RTN4RL2: variants seen among roughly 807,000 people sequenced by gnomAD.
RTN4RL2 encodes reticulon 4 receptor like 2, also known as reticulon-4 receptor-like 2.
RTN4RL2 carries 9 observed loss-of-function variants against 27.8 expected under a neutral mutation model. The observed-to-expected ratio is 0.32, with a 90% CI of 0.20 to 0.57. The LOEUF (loss-of-function observed/expected upper bound fraction) is 0.57. Among genes scored for constraint, RTN4RL2 ranks in the 20% least tolerant of loss-of-function variants. RTN4RL2 has a pLI of 0.90. For missense variants in RTN4RL2, 436 were observed against 596.8 expected, an observed-to-expected ratio of 0.73 and a Z score of 2.81; for synonymous variants, 285 against 297.9, an observed-to-expected ratio of 0.96 and a Z score of 0.45.
chr11:57,464,591 C>G (rs1178080843), intron 1 of RTN4RL2, among the ~76,000 whole-genome samples: 2 of 152,120 alleles, frequency 1.3e-5, no homozygotes, highest in Non-Finnish European at 2.9e-5. Context: ...CTTTTCTGGC[C>G]CTTTCCCTGC....
At chr11:57,464,486 G>A (rs1480103818) in intron 1 of RTN4RL2, among the ~76,000 whole-genome samples, 1 of 152,204 alleles carries the variant, frequency 6.6e-6, no homozygotes, top group Non-Finnish European at 1.5e-5. Flanking sequence ...GATCAGAGAA[G>A]GATTTGGCTT....
chr11:57,476,580 CG>C lies in RTN4RL2; in HGVS notation c.933del (p.Ala313ArgfsTer211). ...ALREADFQAC[P>X]PAAPTRPGSR... ...CGCGAGGCCGACTTCCAGGCGTGTC[CG>C]CCCGCGGCACCCACGCGGCCGGGCA... On this transcript the variant is annotated frameshift_variant, in exon 3 of 3. Transcript: ENST00000335099. LOFTEE classifies it high-confidence loss of function. The surrounding 1 kb of genome is among the most constrained non-coding windows in gnomAD (Gnocchi z 8.2). The C allele has an allele frequency of 7.2e-7, 1 of 1,397,392 alleles. No individual in the cohort carries two copies. 86.6% of individuals were successfully genotyped at this position (1,397,392 alleles called of 1,614,324 possible).
In RTN4RL2 at chr11:57,477,054, A is replaced by C; in HGVS notation, c.*143A>C. 2.4e-6 allele frequency: 2 copies of C among 822,604 alleles called. No individual in the cohort carries two copies. The highest frequency in any genetic ancestry group is 2.0e-5 in the South Asian group (1 of 50,722). 51.0% of individuals were successfully genotyped at this position (822,604 alleles called of 1,614,324 possible). Reference sequence around the variant, plus strand: ...CCAGCTCCTCTCCTCCCCGGGGAGCAGGCCGCCTCTCCTTGCCTGCCCCCT... The same window carrying C: ...CCAGCTCCTCTCCTCCCCGGGGAGCCGGCCGCCTCTCCTTGCCTGCCCCCT... On this transcript the variant is annotated 3_prime_UTR_variant, in exon 3 of 3. Transcript: ENST00000335099.
rs1943475039 is a variant in RTN4RL2 at position 57,460,576 on chromosome 11, ACT to A, written c.-286_-285del. The A allele has an allele frequency of 5.9e-6, 1 of 169,792 alleles. No individual in the cohort carries two copies. The highest frequency in any genetic ancestry group is 2.4e-5 in the African/African-American group (1 of 41,596). 10.5% of individuals were successfully genotyped at this position (169,792 alleles called of 1,614,324 possible). On this transcript the variant is annotated 5_prime_UTR_variant, in exon 1 of 3. Transcript: ENST00000335099. ...GGCACACGGACAGACGGACTGACGG[ACT>A]CTCGAGCGGACAGCGCAGCTAGCGG... is the stretch of plus-strand genomic sequence containing the variant.
chr11:57,473,047 G>T (rs1307143611), intron 2 of RTN4RL2, among the ~76,000 whole-genome samples: 2 of 152,152 alleles, frequency 1.3e-5, no homozygotes, highest in Admixed American at 1.3e-4. Context: ...TACTATATAG[G>T]ATCTGTGTAG....
At chr11:57,472,592 C>G (rs182363656) in intron 2 of RTN4RL2, among the ~76,000 whole-genome samples, 1 of 152,332 alleles carries the variant, frequency 6.6e-6, no homozygotes, top group East Asian at 1.9e-4. Flanking sequence ...CTAATTTGCT[C>G]TATGGCTTTG....
chr11:57,461,575 G>C (rs999554900), intron 1 of RTN4RL2, among the ~76,000 whole-genome samples: 1 of 151,792 alleles, frequency 6.6e-6, no homozygotes, highest in African/African-American at 2.4e-5. Context: ...TGGGAAAAGC[G>C]TGGAGGGAAG....
intron 2 of RTN4RL2, among the ~76,000 whole-genome samples, chr11:57,474,050 C>A (rs886354078): frequency 8.6e-5 from 13 of 151,884 alleles, no homozygotes; most frequent in African/African-American, 2.9e-4. Flanking sequence ...AAAAGAGGAA[C>A]CCCATTTAGG....
intron 2 of RTN4RL2, among the ~76,000 whole-genome samples, chr11:57,471,367 G>A (rs1251879035): frequency 6.6e-6 from 1 of 152,226 alleles, no homozygotes; most frequent in South Asian, 2.1e-4. Flanking sequence ...TTGGGCAGAG[G>A]GGACCTCAGG....
At chr11:57,474,808 C>T (rs1326884923) in intron 2 of RTN4RL2, among the ~76,000 whole-genome samples, 2 of 152,154 alleles carry the variant, frequency 1.3e-5, no homozygotes, top group African/African-American at 4.8e-5. Context: ...TGGCCGTGGG[C>T]CACACACACC....
In RTN4RL2 at chr11:57,476,080, T is replaced by C; in HGVS notation, c.514-82T>C. ...TTCTGCCACGGTGCACCCCCTTCCC[T>C]CCCCCGGCCAAGGCCCCAGCGGGGT... On this transcript the variant is annotated intron_variant, in intron 2 of 2. Coordinates refer to ENST00000335099, the MANE Select transcript of RTN4RL2 (RefSeq NM_178570.3). The surrounding 1 kb of genome is among the most constrained non-coding windows in gnomAD (Gnocchi z 8.2). The C allele has an allele frequency of 7.3e-7, 1 of 1,371,748 alleles. No individual in the cohort carries two copies. The highest frequency in any genetic ancestry group is 1.5e-5 in the African/African-American group (1 of 68,864). 85.0% of individuals were successfully genotyped at this position (1,371,748 alleles called of 1,614,324 possible). A position where few individuals can be genotyped will look rare whatever the true frequency, so the allele number is the denominator to read the frequency against.
intron 2 of RTN4RL2, among the ~76,000 whole-genome samples, chr11:57,473,073 A>G (rs1194554456): frequency 1.3e-5 from 2 of 152,196 alleles, no homozygotes; most frequent in Non-Finnish European, 1.5e-5. Flanking sequence ...AGCTTGGCAC[A>G]TGGTAAGAGC....
chr11:57,473,987 G>T (rs1470960357), intron 2 of RTN4RL2, among the ~76,000 whole-genome samples: 1 of 150,000 alleles, frequency 6.7e-6, no homozygotes, highest in Non-Finnish European at 1.5e-5. Flanking sequence ...GCCCCTTATC[G>T]ATCCTCTGAC....
At chr11:57,475,542 A>G (rs1943590628) in intron 2 of RTN4RL2, among the ~76,000 whole-genome samples, 1 of 152,160 alleles carries the variant, frequency 6.6e-6, no homozygotes, top group South Asian at 2.1e-4. Flanking sequence ...AACAAAAACA[A>G]AAATTAAAAA....
At position 57,476,542 on chromosome 11, in the gene RTN4RL2, C is replaced by A; in HGVS notation, c.894C>A (p.Asp298Glu). The change falls in exon 3 of 3, where the codon GAC becomes GAA. Residue 298 changes from aspartate to glutamate, a missense_variant. Around this residue, in one of 3 missense-constraint regions of RTN4RL2, gnomAD observed 365 missense variants for 530.5 expected, o/e 0.69. Coordinates refer to ENST00000335099, the MANE Select transcript of RTN4RL2 (RefSeq NM_178570.3). This position sits in a 1 kb window ranked among gnomAD's most constrained non-coding sequence, Gnocchi z 8.2. ...CCCCCCCGGAGCGCCAGGGCCGAGA[C>A]CTGCGCGCGCTCCGCGAGGCCGACT... ...CATPPERQGR[D>E]LRALREADFQ... The A allele has an allele frequency of 1.4e-6, 2 of 1,407,970 alleles. No homozygotes were observed. The highest frequency in any genetic ancestry group is 1.5e-5 in the South Asian group (1 of 65,252). 87.2% of individuals were successfully genotyped at this position (1,407,970 alleles called of 1,614,324 possible). A position where few individuals can be genotyped will look rare whatever the true frequency, so the allele number is the denominator to read the frequency against.
At chr11:57,462,115 G>T (rs1340822209) in intron 1 of RTN4RL2, among the ~76,000 whole-genome samples, 1 of 152,028 alleles carries the variant, frequency 6.6e-6, no homozygotes, top group African/African-American at 2.4e-5. Context: ...GACAGCCTCC[G>T]AGGGTGGGCA....
chr11:57,468,882 G>A (rs921149001), intron 2 of RTN4RL2: 2 of 871,718 alleles, frequency 2.3e-6, no homozygotes, highest in Non-Finnish European at 3.7e-6. Context: ...TCTAATTATT[G>A]TTTATTGTTG....
chr11:57,466,253 C>T (rs1943524069), intron 1 of RTN4RL2, among the ~76,000 whole-genome samples: 1 of 152,002 alleles, frequency 6.6e-6, no homozygotes, highest in Non-Finnish European at 1.5e-5. Flanking sequence ...GATCCACCCG[C>T]CTCAGACTCC....
At chr11:57,465,505 G>T (rs1943515945) in intron 1 of RTN4RL2, among the ~76,000 whole-genome samples, 1 of 152,176 alleles carries the variant, frequency 6.6e-6, no homozygotes, top group African/African-American at 2.4e-5. Context: ...AGCCTAGGAC[G>T]TTGCTTGAAG....
Sources: allele counts gnomAD v4.1 joint callset (sites outside exome capture counted in the v4.1 genomes callset), GRCh38; gene constraint gnomAD v4.1.1; regional missense constraint gnomAD v4.1.1; non-coding constraint Gnocchi (gnomAD v3.1); transcripts MANE v1.5; gene names NCBI Gene and HGNC (gene_info 2026-07-23, HGNC 2026-07-21).